DAB1: variants seen among roughly 807,000 people sequenced by gnomAD.
DAB1 encodes DAB adaptor protein 1.
A neutral mutation model predicts 64.6 loss-of-function variants in DAB1; 15 were observed. That is an observed-to-expected ratio of 0.23 (90% CI 0.16 to 0.36). The LOEUF is 0.36. DAB1 is among the 10% of genes least tolerant of loss of function. DAB1 has a pLI of 1.00. For missense variants in DAB1, 596 were observed against 706.7 expected, an observed-to-expected ratio of 0.84 and a Z score of 1.78; for synonymous variants, 235 against 251.9, an observed-to-expected ratio of 0.93 and a Z score of 0.64.
intron 5 of DAB1, among the ~76,000 whole-genome samples, chr1:58,013,259 C>CCATG (rs1646694195): frequency 2.0e-5 from 3 of 152,116 alleles, no homozygotes; most frequent in Admixed American, 2.0e-4. Context: ...TAGTGCCCTG[C>CCATG]CATGAGAAGC....
intron 3 of DAB1, chr1:58,481,119 C>T (rs968250875): frequency 4.6e-6 from 4 of 871,384 alleles, no homozygotes; most frequent in East Asian, 2.4e-5. Context: ...GAATAGTAAT[C>T]GAGGGTCTGG....
At chr1:57,361,353 G>T (rs1210472547) in intron 1 of DAB1, among the ~76,000 whole-genome samples, 1 of 152,094 alleles carries the variant, frequency 6.6e-6, no homozygotes, top group Non-Finnish European at 1.5e-5. Context: ...AACTAGCTCA[G>T]ATCACATAAA....
intron 4 of DAB1, among the ~76,000 whole-genome samples, chr1:57,126,881 C>T (rs993828383): frequency 5.9e-5 from 9 of 152,174 alleles, no homozygotes; most frequent in African/African-American, 1.7e-4. Context: ...ACAACTCTCC[C>T]CACTAAAAGA....
At chr1:58,008,451 C>T (rs1013766884) in intron 5 of DAB1, among the ~76,000 whole-genome samples, 3 of 151,956 alleles carry the variant, frequency 2.0e-5, no homozygotes, top group Non-Finnish European at 4.4e-5. Flanking sequence ...GGCAGGTGAC[C>T]TAGGTTTTAA....
intron 6 of DAB1, among the ~76,000 whole-genome samples, chr1:57,735,609 GTTTTTTTTTTT>G (rs59456674): frequency 3.2e-5 from 3 of 95,210 alleles, no homozygotes; most frequent in South Asian, 3.9e-4. Flanking sequence ...CTGTTTGCTT[GTTTTTTTTTTT>G]TTTTTTTTTT....
At chr1:57,599,532 G>A (rs1645551803) in intron 7 of DAB1, among the ~76,000 whole-genome samples, 2 of 151,940 alleles carry the variant, frequency 1.3e-5, no homozygotes, top group Non-Finnish European at 1.5e-5. Context: ...AAGCAGCAGC[G>A]GGAGCTCGAG....
intron 1 of DAB1, among the ~76,000 whole-genome samples, chr1:57,318,541 C>T (rs183716441): frequency 5.9e-5 from 9 of 152,036 alleles, no homozygotes; most frequent in Non-Finnish European, 1.5e-5. Flanking sequence ...TGTGTGCACT[C>T]GCTAGTTCCC....
intron 6 of DAB1, among the ~76,000 whole-genome samples, chr1:57,675,442 G>A (rs944017591): frequency 6.6e-6 from 1 of 152,100 alleles, no homozygotes; most frequent in Non-Finnish European, 1.5e-5. Flanking sequence ...TGGTACATTA[G>A]CTATTACCAT....
chr1:57,643,132 C>T (rs56058027), intron 7 of DAB1, among the ~76,000 whole-genome samples: 3,253 of 152,298 alleles, frequency 0.021, 117 homozygotes, highest in African/African-American at 0.074. Context: ...TTATCCTCCA[C>T]ATCTCTGTCT....
intron 2 of DAB1, among the ~76,000 whole-genome samples, chr1:57,237,868 T>A (rs1668205133): frequency 6.6e-6 from 1 of 152,278 alleles, no homozygotes. Context: ...TACACATAGA[T>A]CTTGAAGAGT....
At chr1:57,800,873 C>T (rs1477650573) in intron 6 of DAB1, among the ~76,000 whole-genome samples, 1 of 152,132 alleles carries the variant, frequency 6.6e-6, no homozygotes, top group Non-Finnish European at 1.5e-5. Context: ...CTCTGAGCTG[C>T]TGGTATTAGG....
At chr1:57,226,663 T>TAAAAAAA (rs71713506) in intron 2 of DAB1, among the ~76,000 whole-genome samples, 3 of 120,988 alleles carry the variant, frequency 2.5e-5, no homozygotes, top group African/African-American at 1.1e-4. Context: ...CAAAAGTGGT[T>TAAAAAAA]AAAAAAAAAA....
chr1:57,170,536 T>C (rs1661646591), intron 2 of DAB1, among the ~76,000 whole-genome samples: 1 of 152,104 alleles, frequency 6.6e-6, no homozygotes, highest in Non-Finnish European at 1.5e-5. Flanking sequence ...GTCAGGTACT[T>C]ACTATTAACC....
chr1:58,279,555 A>C (rs1244517310), intron 4 of DAB1, among the ~76,000 whole-genome samples: 3 of 152,212 alleles, frequency 2.0e-5, no homozygotes, highest in African/African-American at 7.2e-5. Flanking sequence ...TTTGCAGATA[A>C]AGCAACTGAG....
chr1:57,758,867 T>C (rs1166147563), intron 6 of DAB1, among the ~76,000 whole-genome samples: 1 of 152,166 alleles, frequency 6.6e-6, no homozygotes, highest in Non-Finnish European at 1.5e-5. Context: ...GCAATAAACA[T>C]TCACAAAACA....
chr1:57,205,699 A>T (rs1665482381), intron 2 of DAB1, among the ~76,000 whole-genome samples: 1 of 152,178 alleles, frequency 6.6e-6, no homozygotes, highest in Non-Finnish European at 1.5e-5. Flanking sequence ...AAGAGGCAAA[A>T]TTCCTTGTTC....
chr1:57,387,840 G>T (rs1205735037), intron 1 of DAB1, among the ~76,000 whole-genome samples: 1 of 129,140 alleles, frequency 7.7e-6, no homozygotes. Context: ...AAAAAAAAAA[G>T]AGAGAGAAAA....
At chr1:58,226,879 G>C (rs181940050) in intron 4 of DAB1, among the ~76,000 whole-genome samples, 120 of 152,242 alleles carry the variant, frequency 7.9e-4, no homozygotes, top group African/African-American at 2.6e-3. Context: ...TGAATCTCTG[G>C]CACAGTGTCC....
chr1:57,131,908 C>T (rs1324829633), intron 4 of DAB1, among the ~76,000 whole-genome samples: 1 of 151,828 alleles, frequency 6.6e-6, no homozygotes, highest in Admixed American at 6.6e-5. Context: ...AGTCATTGTG[C>T]TAGCTAGATA....
Sources: gnomAD v4.1 joint callset for allele counts (sites outside exome capture counted in the v4.1 genomes callset) on GRCh38, gnomAD v4.1.1 for gene constraint, MANE v1.5 for transcripts, NCBI Gene and HGNC (gene_info 2026-07-23, HGNC 2026-07-21) for gene names.